The following TBL3 variants were observed in gnomAD, a reference collection of about 807,000 sequenced individuals.
TBL3 encodes the protein transducin beta like 3.
In TBL3, 71 loss-of-function variants were observed where a neutral mutation model predicts 102.7. The observed-to-expected ratio is 0.69, with a 90% CI of 0.57 to 0.84. The LOEUF (loss-of-function observed/expected upper bound fraction) is 0.84. Among genes scored for constraint, TBL3 ranks in the 40% least tolerant of loss-of-function variants. TBL3 has a pLI of 0.00. For missense variants in TBL3, 1,188 were observed against 1,098.5 expected, an observed-to-expected ratio of 1.08 and a Z score of -1.15; for synonymous variants, 578 against 477.7, an observed-to-expected ratio of 1.21 and a Z score of -2.74.
intron 1 of TBL3, 143 bp from the exon 2 acceptor site, chr16:1,973,913 C>T: frequency 1.2e-6 from 1 of 847,368 alleles, no homozygotes; most frequent in Non-Finnish European, 1.7e-6. Context: ...GCTGGTTCCA[C>T]CCCATGCCCT....
intron 4 of TBL3, 49 bp downstream of exon 4, chr16:1,974,472 A>C: frequency 6.3e-7 from 1 of 1,589,496 alleles, no homozygotes. Context: ...CCTCCCTCCC[A>C]GACTGAGTCC....
chr16:1,978,793 C>T lies in TBL3; in HGVS notation c.*108C>T. On this transcript the variant is annotated 3_prime_UTR_variant, in exon 22 of 22. Coordinates refer to ENST00000568546, the MANE Select transcript of TBL3 (RefSeq NM_006453.3). ...ACTGCAGTCCAGCCCCCCACCCTGG[C>T]CAACACCCTACCTAGCCAGCCAGAA... The T allele has an allele frequency of 7.1e-7, 1 of 1,414,628 alleles. No individual in the cohort carries two copies. The highest frequency in any genetic ancestry group is 9.6e-7 in the Non-Finnish European group (1 of 1,042,726). 87.6% of individuals were successfully genotyped at this position (1,414,628 alleles called of 1,614,324 possible).
Position 1,975,088 on chromosome 16 carries a change from A to T in TBL3, c.625A>T (p.Thr209Ser). Residue 209 changes from threonine (T) to serine (S), a missense_variant, in exon 7 of 22, where the codon ACC becomes TCC. By Grantham distance (58) the Thr-to-Ser change is moderately conservative. Transcript: ENST00000568546. Reference protein sequence around the residue: ...TSLAFSADGHTMLSSGRDKIC... With the variant: ...TSLAFSADGHSMLSSGRDKIC... ...ACTGGCCTTCAGCGCCGACGGCCAC[A>T]CCATGCTCAGGTCAGCAGTGGGCCC... 1.2e-6 allele frequency: 2 copies of T among 1,611,222 alleles called. No homozygotes were observed. Among genetic ancestry groups the T allele is most frequent in the Non-Finnish European group, 8.5e-7 (1 of 1,179,962 alleles).
At position 1,974,798 on chromosome 16, in the gene TBL3, G is replaced by C. The variant is rs546617072; in HGVS notation, c.415G>C (p.Val139Leu). The C allele has an allele frequency of 6.2e-7, 1 of 1,613,244 alleles. No homozygotes were observed. Among genetic ancestry groups the C allele is most frequent in the Non-Finnish European group, 8.5e-7 (1 of 1,179,976 alleles). Residue 139 changes from valine to leucine, a missense_variant, in exon 6 of 22, where the codon GTG (valine) becomes CTG (leucine). Coordinates refer to ENST00000568546, the MANE Select transcript of TBL3 (RefSeq NM_006453.3). ...TGGGGCCGTGCGCGTCTGGGACATC[G>C]TGCGGCACTACGGGACACACCACTT... ...CDGAVRVWDI[V>L]RHYGTHHFRG...
At chr16:1,974,163 G>A (rs765299689) in intron 2 of TBL3, 34 bp from the exon 3 acceptor site, 13 of 1,562,946 alleles carry the variant, frequency 8.3e-6, no homozygotes, top group Non-Finnish European at 1.0e-5. Flanking sequence ...GGGGGGTGCT[G>A]AATGTTGCCT....
chr16:1,980,777 A>G lies in TBL3; in HGVS notation c.*2092A>G. On this transcript the variant is annotated 3_prime_UTR_variant, in exon 22 of 22. Transcript: ENST00000568546. ...ATTGGTCTTCCAGAGCCCACTGTGC[A>G]CCCTTGAGAGGGCGGGGTCCCTCAC... 1 of 1,547,564 alleles carries G rather than the reference A, an allele frequency of 6.5e-7. No individual in the cohort carries two copies. The highest frequency in any genetic ancestry group is 1.4e-5 in the African/African-American group (1 of 73,668).
chr16:1,975,108 G>A lies in TBL3; in HGVS notation c.635+10G>A. 1.9e-6 allele frequency: 3 copies of A among 1,612,276 alleles called. No individual in the cohort carries two copies. The highest frequency in any genetic ancestry group is 1.7e-6 in the Non-Finnish European group (2 of 1,179,956). On this transcript the variant is annotated intron_variant, in intron 7 of 21. Coordinates refer to ENST00000568546, the MANE Select transcript of TBL3 (RefSeq NM_006453.3). The stretch of plus-strand genomic sequence containing the variant: ...GCCACACCATGCTCAGGTCAGCAGT[G>A]GGCCCTGGTAGGAGGGGGAGGCTTG...
intron 1 of TBL3, among the ~76,000 whole-genome samples, chr16:1,973,660 A>G (rs79259772): frequency 0.01 from 1,568 of 152,130 alleles, 26 homozygotes; most frequent in African/African-American, 0.035. Flanking sequence ...GGTATGCCAG[A>G]CCTCAGGGAT....
rs777520125 is a variant in TBL3, at chr16:1,979,333, C to T, written c.*648C>T. 3.0e-5 allele frequency: 48 copies of T among 1,574,832 alleles called. No homozygotes were observed. The highest frequency in any genetic ancestry group is 3.8e-5 in the Non-Finnish European group (44 of 1,167,814). On this transcript the variant is annotated 3_prime_UTR_variant, in exon 22 of 22. Coordinates refer to ENST00000568546, the MANE Select transcript of TBL3 (RefSeq NM_006453.3). ...CGCAGCAGCACCGCGGGGAGTAGGC[C>T]CGCCCGGTCGCCGTACCTGCGAGGG...
At position 1,975,222 on chromosome 16, in the gene TBL3, T is replaced by A. The variant is rs2083391197; in HGVS notation, c.671T>A (p.Leu224His). The change falls in exon 8 of 22, where the codon CTT becomes CAT. Residue 224 changes from leucine to histidine, a missense_variant. Physicochemically the swap from Leu to His is moderately conservative, Grantham distance 99 (BLOSUM62 -3). Coordinates refer to ENST00000568546, the MANE Select transcript of TBL3 (RefSeq NM_006453.3). ...GRDKICIIWD[L>H]QSCQATRTVP... ...GACAAGATATGTATCATCTGGGACC[T>A]TCAGAGCTGCCAGGCCACGAGGACC... The A allele has an allele frequency of 6.2e-7, 1 of 1,613,898 alleles. No homozygotes were observed. Among genetic ancestry groups the A allele is most frequent in the Non-Finnish European group, 8.5e-7 (1 of 1,180,022 alleles).
At position 1,978,900 on chromosome 16, in the gene TBL3, C is replaced by G; in HGVS notation, c.*215C>G. On this transcript the variant is annotated 3_prime_UTR_variant, in exon 22 of 22. Transcript: ENST00000568546. ...CAGAGATCCAGCCCGCGGCTCCGCACGCTTAGACGGTGGGGGTCATGCAGA... is the reference window on the plus strand; with the variant it reads ...CAGAGATCCAGCCCGCGGCTCCGCAGGCTTAGACGGTGGGGGTCATGCAGA... 2 of 1,096,048 alleles carry G rather than the reference C, an allele frequency of 1.8e-6. No individual in the cohort carries two copies. The highest frequency in any genetic ancestry group is 1.5e-5 in the South Asian group (1 of 67,834). 67.9% of individuals were successfully genotyped at this position (1,096,048 alleles called of 1,614,324 possible).
chr16:1,972,352 T>A, intron 1 of TBL3, 147 bp downstream of exon 1: 1 of 935,104 alleles, frequency 1.1e-6, no homozygotes, highest in Non-Finnish European at 1.4e-6. Flanking sequence ...GAGGCTGCGG[T>A]GATACTAGGC....
chr16:1,975,107 T>C lies in TBL3; in HGVS notation c.635+9T>C. The C allele has an allele frequency of 1.2e-6, 2 of 1,612,116 alleles. No homozygotes were observed. Among genetic ancestry groups the C allele is most frequent in the Non-Finnish European group, 1.7e-6 (2 of 1,179,928 alleles). ...GGCCACACCATGCTCAGGTCAGCAG[T>C]GGGCCCTGGTAGGAGGGGGAGGCTT... On this transcript the variant is annotated intron_variant, in intron 7 of 21. Transcript: ENST00000568546.
chr16:1,976,985 G>A lies in TBL3; in HGVS notation c.1440+24G>A, dbSNP rs67220861. The A allele has an allele frequency of 0.084, 134,779 of 1,613,368 alleles. 6,329 individuals carry two copies. The highest frequency in any genetic ancestry group is 0.092 in the Non-Finnish European group (108,230 of 1,179,754). On this transcript the variant is annotated intron_variant, in intron 14 of 21. Transcript: ENST00000568546. ...AGGTGACTCCATAGCCACTGGGGTGGGGGTGTGGCCAAGCCCTTGCTGGGG... is the reference window on the plus strand; with the variant it reads ...AGGTGACTCCATAGCCACTGGGGTGAGGGTGTGGCCAAGCCCTTGCTGGGG...
In TBL3 at chr16:1,978,293, G is replaced by A. The variant is rs1477784873; in HGVS notation, c.2135-20G>A. 1 of 1,610,646 alleles carries A rather than the reference G, an allele frequency of 6.2e-7. No homozygotes were observed. The highest frequency in any genetic ancestry group is 1.1e-5 in the South Asian group (1 of 90,784). The stretch of plus-strand genomic sequence containing the variant: ...TGGCAGATTGGCTGGGCAAGACGAT[G>A]AGGGTCCTGTTGCCCACAGAGGCCC... On this transcript the variant is annotated intron_variant, in intron 20 of 21. Transcript: ENST00000568546.
intron 21 of TBL3, 21 bp downstream of exon 21, chr16:1,978,492 G>A: frequency 6.3e-7 from 1 of 1,591,484 alleles, no homozygotes; most frequent in East Asian, 2.2e-5. Context: ...ACAGCCTGGG[G>A]TTGGGGGATC....
chr16:1,979,806 C>G lies in TBL3; in HGVS notation c.*1121C>G. The stretch of plus-strand genomic sequence containing the variant: ...GGCGCATACCGCTGCTCCCTAGGGA[C>G]GGGCCTCCCTCCCGGCCTTGGCCCG... On this transcript the variant is annotated 3_prime_UTR_variant, in exon 22 of 22. Transcript: ENST00000568546. The G allele has an allele frequency of 6.4e-7, 1 of 1,557,462 alleles. No individual in the cohort carries two copies. The highest frequency in any genetic ancestry group is 8.7e-7 in the Non-Finnish European group (1 of 1,152,952).
Position 1,980,199 on chromosome 16 carries a change from T to C in TBL3, c.*1514T>C. On this transcript the variant is annotated 3_prime_UTR_variant, in exon 22 of 22. Coordinates refer to ENST00000568546, the MANE Select transcript of TBL3 (RefSeq NM_006453.3). ...TCACCCGGCTGGGAAGGGCAGCCCG[T>C]ACGAGTGAGAGGTAGGCGGATGGGG... 1 of 1,588,840 alleles carries C rather than the reference T, an allele frequency of 6.3e-7. No individual in the cohort carries two copies. Among genetic ancestry groups the C allele is most frequent in the Non-Finnish European group, 8.5e-7 (1 of 1,170,776 alleles).
At chr16:1,972,650 C>T (rs1355682278) in intron 1 of TBL3, among the ~76,000 whole-genome samples, 1 of 152,190 alleles carries the variant, frequency 6.6e-6, no homozygotes, top group Non-Finnish European at 1.5e-5. Flanking sequence ...CCCAGGAGGC[C>T]CTGAGTGCTG....
Sources: allele counts gnomAD v4.1 joint callset (sites outside exome capture counted in the v4.1 genomes callset), GRCh38; gene constraint gnomAD v4.1.1; transcripts MANE v1.5; gene names NCBI Gene and HGNC (gene_info 2026-07-23, HGNC 2026-07-21).